AR: variants seen among roughly 807,000 people sequenced by gnomAD.
AR encodes androgen receptor.
AR carries 8 observed loss-of-function variants against 53.9 expected under a neutral mutation model. The observed-to-expected ratio is 0.15, with a 90% CI of 0.09 to 0.27. AR has a LOEUF of 0.27. Ranked by LOEUF, AR falls within the 10% of genes least tolerant of loss-of-function variation. The pLI, the probability that AR is intolerant of heterozygous loss-of-function variation, is 1.00. For missense variants in AR, 639 were observed against 742.5 expected, an observed-to-expected ratio of 0.86 and a Z score of 1.62; for synonymous variants, 359 against 316.4, an observed-to-expected ratio of 1.13 and a Z score of -1.43.
chrX:67,669,873 G>T (rs1442658209), intron 2 of AR, among the ~76,000 whole-genome samples: 1 of 108,057 alleles, frequency 9.3e-6, no homozygotes, highest in Non-Finnish European at 1.9e-5. Flanking sequence ...TAATTTTTTT[G>T]GTTTCCATTT....
intron 2 of AR, among the ~76,000 whole-genome samples, chrX:67,648,761 C>T (rs1926184823): frequency 8.9e-6 from 1 of 112,213 alleles, no homozygotes. Flanking sequence ...TGCCATAGCA[C>T]TTGCACCATT....
Position 67,722,824 on chromosome X carries a change from C to A in AR, c.2450-3C>A. 8.3e-7 allele frequency: 1 copy of A among 1,211,062 alleles called. No homozygotes were observed. Among genetic ancestry groups the A allele is most frequent in the Non-Finnish European group, 1.1e-6 (1 of 895,069 alleles). The stretch of plus-strand genomic sequence containing the variant: ...TCCCCATTCTGTCTTCATCCCACAT[C>A]AGTTCCAGTGGATGGGCTGAAAAAT... On this transcript the variant is annotated splice_polypyrimidine_tract_variant and splice_region_variant and intron_variant, in intron 6 of 7. Transcript: ENST00000374690.
In AR at chrX:67,546,659, C is replaced by A. The variant is rs764238988; in HGVS notation, c.1513C>A (p.Pro505Thr). Residue 505 changes from proline (P) to threonine (T), a missense_variant, in exon 1 of 8, where the codon CCT (proline) becomes ACT (threonine). By Grantham distance (38) the Pro-to-Thr change is conservative (BLOSUM62 -1). Around this residue, in one of 5 missense-constraint regions of AR, gnomAD observed 423 missense variants for 377.0 expected, o/e 1.12. Transcript: ENST00000374690. Reference protein sequence around the residue: ...SDFTAPDVWYPGGMVSRVPYP... With the variant: ...SDFTAPDVWYTGGMVSRVPYP... ...CTTCACCGCACCTGATGTGTGGTAC[C>A]CTGGCGGCATGGTGAGCAGAGTGCC... 4.6e-5 allele frequency: 55 copies of A among 1,203,937 alleles called. No individual in the cohort carries two copies. Among genetic ancestry groups the A allele is most frequent in the Middle Eastern group, 2.3e-4 (1 of 4,344 alleles).
intron 3 of AR, among the ~76,000 whole-genome samples, chrX:67,688,764 T>A (rs1367591631): frequency 9.0e-6 from 1 of 111,548 alleles, no homozygotes; most frequent in Non-Finnish European, 1.9e-5. Context: ...AATGAACTTA[T>A]CTCCACGTTC....
intron 3 of AR, among the ~76,000 whole-genome samples, chrX:67,706,483 C>T (rs1306832700): frequency 1.8e-5 from 2 of 111,446 alleles, no homozygotes; most frequent in East Asian, 2.8e-4. Context: ...TCTGTGGGAT[C>T]GGTGGTGATC....
At chrX:67,696,870 C>A (rs1198814368) in intron 3 of AR, among the ~76,000 whole-genome samples, 1 of 111,533 alleles carries the variant, frequency 9.0e-6, no homozygotes, top group South Asian at 3.7e-4. Context: ...AAGAGTAGCA[C>A]CACCCTGGAA....
In AR at chrX:67,585,258, CAA is replaced by C. The variant is rs35044641; in HGVS notation, c.1616+38513_1616+38514del. 3.0e-3 allele frequency among the ~76,000 whole-genome samples: 189 copies of C among 63,699 alleles called. 1 individual carries two copies. The highest frequency in any genetic ancestry group is 0.011 in the East Asian group (23 of 2,075). 55.3% of individuals were successfully genotyped at this position (63,699 alleles called of 115,157 possible). On this transcript the variant is annotated intron_variant, in intron 1 of 7. Transcript: ENST00000374690. The stretch of plus-strand genomic sequence containing the variant: ...AGCCTGGGTGACAGAGTGAGACTGT[CAA>C]AAAAAAAAAAAAAAAAGAGTTGATA...
intron 1 of AR, among the ~76,000 whole-genome samples, chrX:67,572,950 C>T (rs1439991544): frequency 1.8e-5 from 2 of 111,413 alleles, no homozygotes; most frequent in Non-Finnish European, 3.8e-5. Flanking sequence ...TCACAATAGC[C>T]GAATGACGTG....
intron 2 of AR, among the ~76,000 whole-genome samples, chrX:67,675,081 A>T (rs2075891529): frequency 9.1e-6 from 1 of 110,332 alleles, no homozygotes; most frequent in African/African-American, 3.3e-5. Flanking sequence ...TGTATCTAGA[A>T]ATATCATTTG....
At position 67,545,078 on chromosome X, in the gene AR, A is replaced by C. The variant is rs1929634879; in HGVS notation, c.-69A>C. 7 of 1,131,697 alleles carry C rather than the reference A, an allele frequency of 6.2e-6. No homozygotes were observed. Among genetic ancestry groups the C allele is most frequent in the Non-Finnish European group, 7.0e-6 (6 of 855,153 alleles). 93.3% of individuals were successfully genotyped at this position (1,131,697 alleles called of 1,213,427 possible). On this transcript the variant is annotated 5_prime_UTR_variant, in exon 1 of 8. Transcript: ENST00000374690. ...ACTACCGCATCATCACAGCCTGTTGAACTCTTCTGAGCAAGAGAAGGGGAG... is the reference window on the plus strand; with the variant it reads ...ACTACCGCATCATCACAGCCTGTTGCACTCTTCTGAGCAAGAGAAGGGGAG...
chrX:67,556,731 G>A (rs780451930), intron 1 of AR, among the ~76,000 whole-genome samples: 113 of 111,448 alleles, frequency 1.0e-3, no homozygotes, highest in Middle Eastern at 4.6e-3. Flanking sequence ...GCTGGCCAGG[G>A]AAAACCTTAC....
rs1398675093 is a variant in AR, at chrX:67,544,756, A to C, written c.-391A>C. 1 of 181,381 alleles carries C rather than the reference A, an allele frequency of 5.5e-6. No homozygotes were observed. The highest frequency in any genetic ancestry group is 1.0e-5 in the Non-Finnish European group (1 of 97,143). 14.9% of individuals were successfully genotyped at this position (181,381 alleles called of 1,213,427 possible). On this transcript the variant is annotated 5_prime_UTR_variant, in exon 1 of 8. Transcript: ENST00000374690. The stretch of plus-strand genomic sequence containing the variant: ...GTAGCCAAAAAACAAAACAAACAAA[A>C]ACAAAAAAGCCGAAATAAAAGAAAA...
intron 2 of AR, 126 bp from the exon 3 acceptor site, chrX:67,685,884 T>C: frequency 5.9e-6 from 6 of 1,015,237 alleles, no homozygotes; most frequent in Non-Finnish European, 8.1e-6. Context: ...TTTGGTGCCA[T>C]ACTCTGTCCA....
intron 1 of AR, among the ~76,000 whole-genome samples, chrX:67,638,395 C>T (rs1178840497): frequency 3.6e-5 from 4 of 111,674 alleles, no homozygotes; most frequent in East Asian, 5.6e-4. Context: ...TGAGGAATTG[C>T]CACACTGTCT....
rs370301315 is a variant in AR at position 67,709,686 on chromosome X, G to A, written c.1886-1716G>A. ...CAACAAGCCCCAGTGAGATGAACCC[G>A]GTACCTCAGTCGGAAATGCAGAAAT... On this transcript the variant is annotated intron_variant, in intron 3 of 7. Transcript: ENST00000374690. Among the ~76,000 whole-genome samples the A allele has an allele frequency of 6.0e-4, 67 of 112,106 alleles. 2 individuals are homozygous for A. Among genetic ancestry groups the A allele is most frequent in the East Asian group, 3.4e-3 (12 of 3,540 alleles).
At chrX:67,672,620 G>T (rs1324705446) in intron 2 of AR, among the ~76,000 whole-genome samples, 1 of 111,226 alleles carries the variant, frequency 9.0e-6, no homozygotes, top group Non-Finnish European at 1.9e-5. Flanking sequence ...CATGGAAAGA[G>T]AAAACTAATA....
intron 1 of AR, among the ~76,000 whole-genome samples, chrX:67,582,364 A>G (rs894640160): frequency 8.9e-6 from 1 of 111,933 alleles, no homozygotes; most frequent in African/African-American, 3.2e-5. Flanking sequence ...CACATTGATC[A>G]GGAGAATTGG....
intron 1 of AR, among the ~76,000 whole-genome samples, chrX:67,614,634 T>A (rs1361543019): frequency 1.8e-5 from 2 of 111,053 alleles, no homozygotes; most frequent in African/African-American, 6.5e-5. Context: ...TACAATATAG[T>A]ATCTAAAATA....
At chrX:67,711,773 C>A in intron 4 of AR, 84 bp downstream of exon 4, 2 of 985,834 alleles carry the variant, frequency 2.0e-6, no homozygotes, top group Admixed American at 3.2e-5. Flanking sequence ...ATGTCTGGTG[C>A]TTTTCTGCCC....
Sources: gnomAD v4.1 joint callset for allele counts (sites outside exome capture counted in the v4.1 genomes callset) on GRCh38, gnomAD v4.1.1 for gene constraint, gnomAD v4.1.1 regional missense constraint, MANE v1.5 for transcripts, NCBI Gene and HGNC (gene_info 2026-07-23, HGNC 2026-07-21) for gene names.